C11orf54: variants seen among roughly 807,000 people sequenced by gnomAD.
C11orf54 encodes beta-keto L-gulonate decarboxylase.
C11orf54 carries 29 observed loss-of-function variants against 35.5 expected under a neutral mutation model. The ratio of observed to expected loss-of-function variants is 0.82; its 90% CI spans 0.61 to 1.11. C11orf54 has a LOEUF of 1.11. Ranked by LOEUF, C11orf54 falls within the 50% of genes most tolerant of loss-of-function variation. The pLI is 0.00. For synonymous variants in C11orf54, 108 were observed against 121.1 expected (o/e 0.89, Z 0.71); for missense variants, 373 against 369.2 (o/e 1.01, Z -0.08).
Position 93,764,652 on chromosome 11 carries a change from T to C in C11orf54, c.*2964T>C, listed in dbSNP as rs530248526. The C allele has an allele frequency of 6.6e-6, 1 of 152,300 alleles. No homozygotes were observed. The highest frequency in any genetic ancestry group is 1.9e-4 in the East Asian group (1 of 5,184). 9.4% of individuals were successfully genotyped at this position (152,300 alleles called of 1,614,324 possible). On this transcript the variant is annotated 3_prime_UTR_variant, in exon 9 of 9. Coordinates refer to ENST00000354421, the MANE Select transcript of C11orf54 (RefSeq NM_001286069.2). ...TTATAGAGACAGAGTTTCGCCGTGTTGGCCAGGCTGTTCTCGAACTCCTGG... is the reference window on the plus strand; with the variant it reads ...TTATAGAGACAGAGTTTCGCCGTGTCGGCCAGGCTGTTCTCGAACTCCTGG...
At chr11:93,752,356 G>A (rs1942883438) in intron 3 of C11orf54, among the ~76,000 whole-genome samples, 1 of 152,064 alleles carries the variant, frequency 6.6e-6, no homozygotes, top group Non-Finnish European at 1.5e-5. Context: ...AAATTAGCTG[G>A]ATGCAGTGGT....
chr11:93,747,439 C>T lies in C11orf54; in HGVS notation c.46C>T (p.Leu16Phe). The T allele has an allele frequency of 1.3e-6, 2 of 1,592,990 alleles. No individual in the cohort carries two copies. The highest frequency in any genetic ancestry group is 1.7e-6 in the Non-Finnish European group (2 of 1,172,356). Residue 16 changes from leucine to phenylalanine, a missense_variant, in exon 2 of 9, where the codon CTT becomes TTT. By Grantham distance (22) the Leu-to-Phe change is conservative. Transcript: ENST00000354421. ...FSFHVPSLEELAGVMQKGLKD... is the reference protein window; with the variant it reads ...FSFHVPSLEEFAGVMQKGLKD... ...TTTTCATGTACCAAGTCTTGAAGAG[C>T]TTGCTGGAGGTAAAAACAATATTAA...
chr11:93,753,599 A>G, intron 3 of C11orf54, 83 bp from the exon 4 acceptor site: 1 of 1,187,930 alleles, frequency 8.4e-7, no homozygotes. Context: ...GAGAAGTTAT[A>G]TACTGTTGGC....
At chr11:93,753,789 A>G (rs1294888962) in intron 4 of C11orf54, 34 bp downstream of exon 4, 2 of 1,603,738 alleles carry the variant, frequency 1.2e-6, no homozygotes, top group Non-Finnish European at 1.7e-6. Flanking sequence ...TCACATGAAG[A>G]TTGTAGAAGT....
chr11:93,751,006 A>G (rs1942783566), intron 3 of C11orf54, among the ~76,000 whole-genome samples: 1 of 152,228 alleles, frequency 6.6e-6, no homozygotes, highest in African/African-American at 2.4e-5. Flanking sequence ...TAGATGAGAA[A>G]ACTGAAAACG....
intron 3 of C11orf54, among the ~76,000 whole-genome samples, chr11:93,752,355 G>A (rs563956864): frequency 1.3e-5 from 2 of 152,248 alleles, no homozygotes; most frequent in Middle Eastern, 3.4e-3. Flanking sequence ...AAAATTAGCT[G>A]GATGCAGTGG....
At chr11:93,746,698 A>G (rs1049678528) in intron 1 of C11orf54, 3 of 152,240 alleles carry the variant, frequency 2.0e-5, no homozygotes, top group Non-Finnish European at 4.4e-5. Context: ...ATCATTCCAT[A>G]AAAGTTTCCA....
rs747800882 is a variant in C11orf54, at chr11:93,753,972, C to A, written c.265C>A (p.Leu89Met). ...GAATAAAATTGCAAAAGAAATCAAGCTGCCTGGAGCCTTTATTCTTGGAGC... is the reference window on the plus strand; with the variant it reads ...GAATAAAATTGCAAAAGAAATCAAGATGCCTGGAGCCTTTATTCTTGGAGC... The part of the protein sequence containing the change: ...DLNKIAKEIK[L>M]PGAFILGAGA... The change falls in exon 5 of 9, where the codon CTG becomes ATG. Residue 89 changes from leucine (L) to methionine (M), a missense_variant. Physicochemically the swap from Leu to Met is conservative, Grantham distance 15 (BLOSUM62 2). Coordinates refer to ENST00000354421, the MANE Select transcript of C11orf54 (RefSeq NM_001286069.2). 3.7e-6 allele frequency: 6 copies of A among 1,613,970 alleles called. No individual in the cohort carries two copies. Among genetic ancestry groups the A allele is most frequent in the Non-Finnish European group, 5.1e-6 (6 of 1,179,980 alleles).
chr11:93,749,519 A>AAT (rs1231574371), intron 2 of C11orf54, among the ~76,000 whole-genome samples: 2 of 151,148 alleles, frequency 1.3e-5, no homozygotes, highest in African/African-American at 4.9e-5. Flanking sequence ...AAAAAAAAAA[A>AAT]AAAAAAAACT....
Position 93,753,941 on chromosome 11 carries a change from T to C in C11orf54, c.234T>C (p.Tyr78=), listed in dbSNP as rs1458994387. The change falls in exon 5 of 9, where the codon TAT becomes TAC. Residue 78 remains tyrosine, a synonymous_variant. Coordinates refer to ENST00000354421, the MANE Select transcript of C11orf54 (RefSeq NM_001286069.2). ...LLPLVNQKKV[Y]DLNKIAKEIK... ...TATTTTTTCCTCTTCTATAGGTTTA[T>C]GATCTGAATAAAATTGCAAAAGAAA... The C allele has an allele frequency of 2.0e-5, 33 of 1,613,816 alleles. No homozygotes were observed. The highest frequency in any genetic ancestry group is 2.5e-5 in the Non-Finnish European group (30 of 1,179,722).
intron 6 of C11orf54, among the ~76,000 whole-genome samples, chr11:93,755,863 G>A (rs150991330): frequency 1.3e-5 from 2 of 151,954 alleles, no homozygotes; most frequent in African/African-American, 2.4e-5. Context: ...CATCTTTAAG[G>A]TTAAGAATAA....
intron 7 of C11orf54, among the ~76,000 whole-genome samples, chr11:93,757,847 G>A (rs541683611): frequency 2.8e-4 from 42 of 152,252 alleles, no homozygotes; most frequent in Non-Finnish European, 5.3e-4. Context: ...GGATTGTAAA[G>A]TATGTGTTGG....
At chr11:93,746,597 G>C (rs1942484633) in intron 1 of C11orf54, 1 of 151,990 alleles carries the variant, frequency 6.6e-6, no homozygotes, top group Admixed American at 6.6e-5. Context: ...AATTATAATT[G>C]GATAGATTAT....
chr11:93,750,206 C>T (rs758546405), intron 2 of C11orf54, 140 bp from the exon 3 acceptor site: 1 of 602,034 alleles, frequency 1.7e-6, no homozygotes, highest in African/African-American at 1.9e-5. Flanking sequence ...TAATTATATT[C>T]ATTAATAAGA....
At chr11:93,750,175 C>G (rs1478335088) in intron 2 of C11orf54, among the ~76,000 whole-genome samples, 171 bp from the exon 3 acceptor site, 3 of 152,140 alleles carry the variant, frequency 2.0e-5, no homozygotes, top group African/African-American at 7.2e-5. Flanking sequence ...TACGTTGTAT[C>G]TTGTGATTAT....
At chr11:93,743,838 A>AT (rs1386012984) in intron 1 of C11orf54, among the ~76,000 whole-genome samples, 1 of 151,914 alleles carries the variant, frequency 6.6e-6, no homozygotes, top group Non-Finnish European at 1.5e-5. Flanking sequence ...TCCCTTCTAG[A>AT]CCCTATTTCT....
Position 93,755,273 on chromosome 11 carries a change from C to G in C11orf54, c.394C>G (p.His132Asp), listed in dbSNP as rs755767885. Residue 132 changes from histidine (H) to aspartate (D), a missense_variant, in exon 6 of 9, where the codon CAT becomes GAT. Transcript: ENST00000354421. The stretch of plus-strand genomic sequence containing the variant: ...TCCTGTAAATGGAAGTTACTTTGCC[C>G]ATGTGAACCCTGCAGATGGAGGGTG... ...KPPVNGSYFA[H>D]VNPADGGCLL... 58 of 1,613,926 alleles carry G rather than the reference C, an allele frequency of 3.6e-5. No individual in the cohort carries two copies. The highest frequency in any genetic ancestry group is 4.5e-5 in the Non-Finnish European group (53 of 1,179,992).
intron 1 of C11orf54, chr11:93,745,846 A>C (rs1942435706): frequency 6.6e-6 from 1 of 152,200 alleles, no homozygotes; most frequent in South Asian, 2.1e-4. Flanking sequence ...GCCGGGCATG[A>C]TGGCACATGC....
At chr11:93,746,871 T>C (rs1339642884) in intron 1 of C11orf54, 1 of 152,322 alleles carries the variant, frequency 6.6e-6, no homozygotes, top group Non-Finnish European at 1.5e-5. Context: ...TACTGTTATC[T>C]ACAACCATTT....
Sources: allele counts gnomAD v4.1 joint callset (sites outside exome capture counted in the v4.1 genomes callset), GRCh38; gene constraint gnomAD v4.1.1; transcripts MANE v1.5; gene names NCBI Gene and HGNC (gene_info 2026-07-23, HGNC 2026-07-21).